The following SUPT3H variants were observed in gnomAD, a reference collection of about 807,000 sequenced individuals.
The protein encoded by SUPT3H is transcription initiation protein SPT3 homolog.
Under a neutral mutation model 44.3 loss-of-function variants are expected in SUPT3H, and 44 were observed. The observed-to-expected ratio is 0.99, with a 90% CI of 0.78 to 1.28. SUPT3H has a LOEUF of 1.28. Ranked by LOEUF, SUPT3H falls within the 50% of genes most tolerant of loss-of-function variation. The pLI is 0.00. For synonymous variants in SUPT3H, 124 were observed against 125.6 expected (o/e 0.99, Z 0.09); for missense variants, 380 against 387.1 (o/e 0.98, Z 0.15).
chr6:45,325,083 A>G (rs1197004117), intron 2 of SUPT3H, among the ~76,000 whole-genome samples: 1 of 151,854 alleles, frequency 6.6e-6, no homozygotes, highest in Non-Finnish European at 1.5e-5. Context: ...AAACAGTCAC[A>G]TACCAAGATG....
chr6:45,037,460 G>C (rs2396377), intron 3 of SUPT3H, among the ~76,000 whole-genome samples: 52,510 of 149,102 alleles, frequency 0.35, 10,150 homozygotes, highest in Non-Finnish European at 0.43. Context: ...CAGCCTGGCC[G>C]ATATGGTGAA....
chr6:44,838,234 T>A (rs1770287476), intron 10 of SUPT3H, among the ~76,000 whole-genome samples: 1 of 152,250 alleles, frequency 6.6e-6, no homozygotes, highest in Non-Finnish European at 1.5e-5. Flanking sequence ...TATGTCTGTA[T>A]GAACCTACTG....
In SUPT3H at chr6:44,848,259, T is replaced by G. The variant is rs1052596557; in HGVS notation, c.913-18402A>C. Among the ~76,000 whole-genome samples, 4 of 152,296 alleles carry G rather than the reference T, an allele frequency of 2.6e-5. No individual in the cohort carries two copies. In the Middle Eastern group the frequency reaches 0.01, roughly 389 times the overall value. The stretch of plus-strand genomic sequence containing the variant: ...TGCTAGGATTACAGGAGTGAGCCAC[T>G]GTACCCAGCCTGTGTCTTCATAACT... On this transcript the variant is annotated intron_variant, in intron 10 of 10. Transcript: ENST00000371459.
chr6:45,093,862 A>C (rs1283453370), intron 3 of SUPT3H, among the ~76,000 whole-genome samples: 1 of 152,126 alleles, frequency 6.6e-6, no homozygotes, highest in African/African-American at 2.4e-5. Context: ...ACCTAATATG[A>C]TTTTCAAATG....
intron 10 of SUPT3H, among the ~76,000 whole-genome samples, chr6:44,887,663 G>T (rs1357716301): frequency 3.3e-5 from 5 of 151,552 alleles, no homozygotes; most frequent in Non-Finnish European, 5.9e-5. Context: ...ACAAGAGAAA[G>T]CAGGAAAGAT....
chr6:45,029,420 TCAGTTA>T (rs1230061741), intron 3 of SUPT3H, among the ~76,000 whole-genome samples: 2 of 151,182 alleles, frequency 1.3e-5, no homozygotes, highest in African/African-American at 2.4e-5. Context: ...ATATAATTAC[TCAGTTA>T]CAATCAATGT....
chr6:45,130,324 G>A (rs1184661292), intron 2 of SUPT3H, among the ~76,000 whole-genome samples: 1 of 151,992 alleles, frequency 6.6e-6, no homozygotes, highest in Non-Finnish European at 1.5e-5. Context: ...GTTTTTACGG[G>A]TCATCCATGT....
chr6:44,886,661 T>G (rs1275017943), intron 10 of SUPT3H, among the ~76,000 whole-genome samples: 2 of 151,966 alleles, frequency 1.3e-5, no homozygotes, highest in Non-Finnish European at 2.9e-5. Flanking sequence ...CACTGCAAAA[T>G]CATGCCAAAT....
At chr6:44,932,905 A>G (rs1167183602) in intron 9 of SUPT3H, 142 bp from the exon 10 acceptor site, 33 of 457,916 alleles carry the variant, frequency 7.2e-5, no homozygotes, top group Non-Finnish European at 3.7e-6. Context: ...TACTACATCT[A>G]AAAAAGAATT....
chr6:45,039,491 CT>C (rs769731165), intron 3 of SUPT3H, among the ~76,000 whole-genome samples: 3 of 152,050 alleles, frequency 2.0e-5, no homozygotes. Flanking sequence ...CATCACCTAA[CT>C]TTAAAAAAAT....
intron 2 of SUPT3H, among the ~76,000 whole-genome samples, chr6:45,272,681 G>T (rs1776383877): frequency 6.6e-6 from 1 of 152,146 alleles, no homozygotes; most frequent in African/African-American, 2.4e-5. Flanking sequence ...TCACAAAATT[G>T]CTCTTGATTG....
intron 3 of SUPT3H, among the ~76,000 whole-genome samples, chr6:45,052,502 A>C (rs1196074444): frequency 6.6e-6 from 1 of 152,238 alleles, no homozygotes; most frequent in East Asian, 1.9e-4. Flanking sequence ...AAATCCAGTC[A>C]TACAAACAGT....
chr6:44,957,923 C>T (rs1775447606), intron 7 of SUPT3H, among the ~76,000 whole-genome samples: 1 of 152,148 alleles, frequency 6.6e-6, no homozygotes, highest in Admixed American at 6.5e-5. Flanking sequence ...CCTTCCCTGT[C>T]ATGTGGAGAA....
chr6:44,990,448 A>G (rs558428453), intron 6 of SUPT3H, among the ~76,000 whole-genome samples: 2 of 151,814 alleles, frequency 1.3e-5, no homozygotes, highest in South Asian at 4.2e-4. Flanking sequence ...TTTGATTACT[A>G]TAGCTTGGTA....
At chr6:45,239,432 A>C (rs976560884) in intron 2 of SUPT3H, among the ~76,000 whole-genome samples, 1 of 152,218 alleles carries the variant, frequency 6.6e-6, no homozygotes, top group African/African-American at 2.4e-5. Context: ...ATTACCTGGA[A>C]AGAAGCTAAA....
chr6:45,021,831 T>C (rs1351128895), intron 3 of SUPT3H, among the ~76,000 whole-genome samples: 2 of 151,986 alleles, frequency 1.3e-5, no homozygotes, highest in Non-Finnish European at 2.9e-5. Flanking sequence ...TGTGTCAGCT[T>C]TACCACTGAA....
chr6:45,057,562 G>T (rs900182101), intron 3 of SUPT3H, among the ~76,000 whole-genome samples: 6 of 152,108 alleles, frequency 3.9e-5, no homozygotes, highest in African/African-American at 1.4e-4. Context: ...TAAGCTTTAG[G>T]CTTCTACCTT....
chr6:44,948,787 C>T (rs857597), intron 9 of SUPT3H, among the ~76,000 whole-genome samples: 147,325 of 151,802 alleles, frequency 0.97, 71,516 homozygotes, highest in East Asian at 1. Context: ...TTTTACACTG[C>T]TGGTGGGACT....
chr6:45,358,812 A>C (rs1022531172), intron 2 of SUPT3H, among the ~76,000 whole-genome samples: 2 of 152,168 alleles, frequency 1.3e-5, no homozygotes, highest in African/African-American at 4.8e-5. Flanking sequence ...GAAACGTATG[A>C]ATATTCACTC....
Sources: allele counts gnomAD v4.1 joint callset (sites outside exome capture counted in the v4.1 genomes callset), GRCh38; gene constraint gnomAD v4.1.1; transcripts MANE v1.5; gene names NCBI Gene and HGNC (gene_info 2026-07-23, HGNC 2026-07-21).